Variants in CNTN6 observed in about 807,000 individuals in gnomAD.
CNTN6 encodes the protein contactin-6.
CNTN6 carries 137 observed loss-of-function variants against 122.8 expected under a neutral mutation model. The observed-to-expected ratio is 1.12, with a 90% CI of 0.97 to 1.29. The LOEUF is 1.29. Ranked by LOEUF, CNTN6 falls within the 50% of genes most tolerant of loss-of-function variation. The probability of loss-of-function intolerance (pLI) is 0.00; values close to 1 mark genes in which losing one functional copy is unlikely to be tolerated. For synonymous variants in CNTN6, 570 were observed against 426.0 expected (o/e 1.34, Z -4.16); for missense variants, 1,634 against 1,223.4 (o/e 1.34, Z -5.01).
chr3:1,283,910 A>G (rs1356658518), intron 5 of CNTN6, among the ~76,000 whole-genome samples: 1 of 152,194 alleles, frequency 6.6e-6, no homozygotes, highest in African/African-American at 2.4e-5. Flanking sequence ...GAGGCAGGAG[A>G]ATCACTTGAC....
At chr3:1,155,962 TCTC>T (rs773849752) in intron 2 of CNTN6, among the ~76,000 whole-genome samples, 18 of 152,304 alleles carry the variant, frequency 1.2e-4, no homozygotes, top group Non-Finnish European at 2.2e-4. Flanking sequence ...ACAGATCCCA[TCTC>T]CTATAAAGTT....
intron 20 of CNTN6, among the ~76,000 whole-genome samples, chr3:1,386,413 T>G (rs1692943676): frequency 6.6e-6 from 1 of 152,162 alleles, no homozygotes; most frequent in South Asian, 2.1e-4. Flanking sequence ...TTGTCTTATA[T>G]CCCCTGATAA....
At chr3:1,118,887 A>G (rs554031695) in intron 1 of CNTN6, among the ~76,000 whole-genome samples, 1 of 152,234 alleles carries the variant, frequency 6.6e-6, no homozygotes, top group Admixed American at 6.6e-5. Flanking sequence ...AAAACAAAAC[A>G]AAAAAACACC....
chr3:1,367,240 G>A lies in CNTN6; in HGVS notation c.1493-5059G>A, dbSNP rs559828796. 1.5e-4 allele frequency among the ~76,000 whole-genome samples: 23 copies of A among 152,086 alleles called. No individual in the cohort carries two copies. In the South Asian group the frequency reaches 4.8e-3, roughly 32 times the overall value. On this transcript the variant is annotated intron_variant, in intron 12 of 22. Coordinates refer to ENST00000446702, the MANE Select transcript of CNTN6 (RefSeq NM_001289080.2). ...CTGTAGTCACCATGCTGTGCCGTAG[G>A]TCTCTAAAACTTATTCCTCCCATCT...
intron 4 of CNTN6, among the ~76,000 whole-genome samples, chr3:1,271,422 C>A (rs540748413): frequency 4.3e-4 from 65 of 152,180 alleles, no homozygotes; most frequent in African/African-American, 1.5e-3. Context: ...GCCATATACC[C>A]AATATTTCAT....
rs761845981 is a variant in CNTN6 at position 1,402,321 on chromosome 3, C to A, written c.2821C>A (p.Leu941Met). 68 of 1,606,148 alleles carry A rather than the reference C, an allele frequency of 4.2e-5. No homozygotes were observed. Among genetic ancestry groups the A allele is most frequent in the Non-Finnish European group, 5.4e-5 (63 of 1,175,926 alleles). Reference sequence around the variant, plus strand: ...CTTGATACCTCATTTTATTCAGATTCTGTACCGGCAAAACAGACAGAGTAA... The same window carrying A: ...CTTGATACCTCATTTTATTCAGATTATGTACCGGCAAAACAGACAGAGTAA... ...NESEVLGYKI[L>M]YRQNRQSKTH... The change falls in exon 22 of 23, where the codon CTG (leucine) becomes ATG (methionine). Residue 941 changes from leucine (L) to methionine (M), a missense_variant. Physicochemically the swap from Leu to Met is conservative, Grantham distance 15. Transcript: ENST00000446702.
At chr3:1,270,815 T>G (rs1252081785) in intron 4 of CNTN6, among the ~76,000 whole-genome samples, 1 of 152,218 alleles carries the variant, frequency 6.6e-6, no homozygotes, top group African/African-American at 2.4e-5. Flanking sequence ...TGGGTGACTT[T>G]CTAGATAGAG....
At chr3:1,164,760 C>T (rs941393563) in intron 2 of CNTN6, among the ~76,000 whole-genome samples, 1 of 152,190 alleles carries the variant, frequency 6.6e-6, no homozygotes, top group Non-Finnish European at 1.5e-5. Context: ...GCAGTTCCTG[C>T]TTACCATCCA....
intron 5 of CNTN6, among the ~76,000 whole-genome samples, chr3:1,280,477 T>TTTTTTTTTTTTG (rs1693194620): frequency 7.4e-6 from 1 of 135,504 alleles, no homozygotes; most frequent in Non-Finnish European, 1.6e-5. Flanking sequence ...TTTTTTTTTT[T>TTTTTTTTTTTTG]TTTTTGTGAT....
At chr3:1,103,555 G>C (rs539065526) in intron 1 of CNTN6, among the ~76,000 whole-genome samples, 10 of 152,166 alleles carry the variant, frequency 6.6e-5, no homozygotes, top group Non-Finnish European at 1.3e-4. Flanking sequence ...CAGATGTACG[G>C]AGTGATTTTG....
At chr3:1,139,472 A>C (rs891088351) in intron 1 of CNTN6, among the ~76,000 whole-genome samples, 8 of 152,138 alleles carry the variant, frequency 5.3e-5, no homozygotes, top group Admixed American at 6.6e-5. Context: ...TGTACTCATC[A>C]AATTAAAACT....
intron 4 of CNTN6, among the ~76,000 whole-genome samples, chr3:1,251,853 TA>T (rs2094676069): frequency 6.6e-6 from 1 of 152,170 alleles, no homozygotes; most frequent in Non-Finnish European, 1.5e-5. Flanking sequence ...ATTTATGTTA[TA>T]AACTGCTTGA....
At chr3:1,212,550 T>C (rs1271617813) in intron 2 of CNTN6, among the ~76,000 whole-genome samples, 1 of 151,836 alleles carries the variant, frequency 6.6e-6, no homozygotes, top group Non-Finnish European at 1.5e-5. Context: ...CACACATATA[T>C]ATGTGTATAC....
chr3:1,142,169 G>A lies in CNTN6; in HGVS notation c.-82-5758G>A, dbSNP rs116249497. 1.7e-3 allele frequency among the ~76,000 whole-genome samples: 251 copies of A among 149,112 alleles called. 1 individual carries two copies. Among genetic ancestry groups the A allele is most frequent in the Non-Finnish European group, 2.7e-3 (180 of 67,494 alleles). ...GTGCACATTTATAGACTGACGAATA[G>A]TTTTAGAGCCAGGAGATGGAGTGAG... is the stretch of plus-strand genomic sequence containing the variant. On this transcript the variant is annotated intron_variant, in intron 1 of 22. Transcript: ENST00000446702.
intron 20 of CNTN6, 49 bp from the exon 21 acceptor site, chr3:1,401,384 A>G: frequency 6.8e-7 from 1 of 1,467,110 alleles, no homozygotes; most frequent in Non-Finnish European, 9.5e-7. Context: ...TCATACTTTG[A>G]CCATGAGCTA....
At chr3:1,261,936 G>T (rs1018845162) in intron 4 of CNTN6, among the ~76,000 whole-genome samples, 8 of 152,140 alleles carry the variant, frequency 5.3e-5, no homozygotes, top group African/African-American at 1.9e-4. Context: ...ATTTCTATGA[G>T]TAAATAGGTT....
At chr3:1,150,307 C>A (rs781320355) in intron 2 of CNTN6, among the ~76,000 whole-genome samples, 24 of 152,130 alleles carry the variant, frequency 1.6e-4, no homozygotes, top group Non-Finnish European at 2.9e-4. Flanking sequence ...TTTATTCATT[C>A]TGAAATGCCA....
intron 12 of CNTN6, among the ~76,000 whole-genome samples, chr3:1,360,420 T>C (rs959192466): frequency 6.6e-6 from 1 of 152,084 alleles, no homozygotes; most frequent in African/African-American, 2.4e-5. Context: ...TCCTAAAATA[T>C]CTTTCTGAAT....
intron 5 of CNTN6, among the ~76,000 whole-genome samples, chr3:1,280,385 A>G (rs1465922794): frequency 6.6e-6 from 1 of 151,396 alleles, no homozygotes; most frequent in Admixed American, 6.6e-5. Flanking sequence ...ATTTACAAAA[A>G]CTGCCTTAAA....
Sources: gnomAD v4.1 joint callset for allele counts (sites outside exome capture counted in the v4.1 genomes callset) on GRCh38, gnomAD v4.1.1 for gene constraint, MANE v1.5 for transcripts, NCBI Gene and HGNC (gene_info 2026-07-23, HGNC 2026-07-21) for gene names.